The following SERINC3 variants were observed in gnomAD, a reference collection of about 807,000 sequenced individuals.
SERINC3 encodes the protein tumor differentially expressed protein 1.
In SERINC3, 22 loss-of-function variants were observed where a neutral mutation model predicts 52.1. That is an observed-to-expected ratio of 0.42 (90% CI 0.30 to 0.60). The LOEUF (loss-of-function observed/expected upper bound fraction) is 0.60. Ranked by LOEUF, SERINC3 falls within the 20% of genes least tolerant of loss-of-function variation. SERINC3 has a pLI of 0.16. For synonymous variants in SERINC3, 226 were observed against 212.7 expected (o/e 1.06, Z -0.54); for missense variants, 564 against 584.6 (o/e 0.96, Z 0.36).
intron 6 of SERINC3, among the ~76,000 whole-genome samples, 200 bp from the exon 7 acceptor site, chr20:44,505,091 T>C (rs2064303085): frequency 6.6e-6 from 1 of 152,202 alleles, no homozygotes; most frequent in Admixed American, 6.5e-5. Flanking sequence ...GTACTACTGG[T>C]TCTCAACGCA....
intron 6 of SERINC3, among the ~76,000 whole-genome samples, chr20:44,506,329 C>G (rs2064312758): frequency 6.7e-6 from 1 of 149,476 alleles, no homozygotes; most frequent in Admixed American, 6.7e-5. Context: ...CGTGGTGGCT[C>G]ACGCCTGTAA....
chr20:44,507,112 AT>A, intron 5 of SERINC3, 116 bp from the exon 6 acceptor site: 1 of 717,850 alleles, frequency 1.4e-6, no homozygotes, highest in Non-Finnish European at 2.0e-6. Context: ...TTCTGGGGTA[AT>A]TTACAGTAAA....
At chr20:44,509,278 G>T (rs79169578) in intron 5 of SERINC3, among the ~76,000 whole-genome samples, 6,126 of 152,192 alleles carry the variant, frequency 0.04, 136 homozygotes, top group African/African-American at 0.059. Context: ...GCCTAAAGTA[G>T]GTGGGCAGCT....
chr20:44,519,952 C>T lies in SERINC3; in HGVS notation c.39+1961G>A, dbSNP rs570454928. 2.0e-5 allele frequency among the ~76,000 whole-genome samples: 3 copies of T among 152,236 alleles called. 1 individual carries two copies. The highest frequency in any genetic ancestry group is 7.2e-5 in the African/African-American group (3 of 41,524). ...TGCTAATGAGATGACTGGTGACTGGCAGCCCCTAGGTGGCTTCATGATGGG... is the reference window on the plus strand; with the variant it reads ...TGCTAATGAGATGACTGGTGACTGGTAGCCCCTAGGTGGCTTCATGATGGG... On this transcript the variant is annotated intron_variant, in intron 1 of 9. Coordinates refer to ENST00000342374, the MANE Select transcript of SERINC3 (RefSeq NM_006811.4).
intron 1 of SERINC3, 125 bp downstream of exon 1, chr20:44,521,788 C>T: frequency 1.0e-6 from 1 of 962,546 alleles, no homozygotes. Flanking sequence ...GCCCCGGAGA[C>T]CCTCTGTAGC....
intron 4 of SERINC3, 71 bp from the exon 5 acceptor site, chr20:44,510,099 C>A: frequency 7.0e-7 from 1 of 1,438,588 alleles, no homozygotes; most frequent in Non-Finnish European, 9.7e-7. Flanking sequence ...ACATTCTGAA[C>A]GGATTTCAAT....
At chr20:44,501,649 G>A (rs2064280802) in intron 8 of SERINC3, among the ~76,000 whole-genome samples, 1 of 152,092 alleles carries the variant, frequency 6.6e-6, no homozygotes, top group African/African-American at 2.4e-5. Flanking sequence ...TCTCTGACTT[G>A]CTGTCATGTC....
chr20:44,501,040 T>C, intron 9 of SERINC3, 33 bp downstream of exon 9: 5 of 1,506,932 alleles, frequency 3.3e-6, no homozygotes, highest in South Asian at 2.3e-5. Context: ...AAGGGTTTTA[T>C]GGTCTTCTGT....
At chr20:44,515,998 CCTT>C in intron 1 of SERINC3, among the ~76,000 whole-genome samples, 1 of 152,226 alleles carries the variant, frequency 6.6e-6, no homozygotes, top group African/African-American at 2.4e-5. Context: ...AACTTTACCT[CCTT>C]TTTTTTAAAG....
At chr20:44,506,568 G>A (rs1166601224) in intron 6 of SERINC3, among the ~76,000 whole-genome samples, 2 of 105,878 alleles carry the variant, frequency 1.9e-5, no homozygotes, top group South Asian at 3.4e-4. Context: ...CTGGTTGACA[G>A]AGCGAGACTC....
chr20:44,507,750 C>T (rs1463421897), intron 5 of SERINC3, among the ~76,000 whole-genome samples: 2 of 152,090 alleles, frequency 1.3e-5, no homozygotes, highest in African/African-American at 2.4e-5. Context: ...AAGGCTGTAG[C>T]CCCAGCTACT....
chr20:44,502,316 G>C lies in SERINC3; in HGVS notation c.1056-1016C>G, dbSNP rs532391652. Among the ~76,000 whole-genome samples, 3 of 152,336 alleles carry C rather than the reference G, an allele frequency of 2.0e-5. 1 individual carries two copies. Among genetic ancestry groups the C allele is most frequent in the African/African-American group, 7.2e-5 (3 of 41,590 alleles). On this transcript the variant is annotated intron_variant, in intron 8 of 9. Coordinates refer to ENST00000342374, the MANE Select transcript of SERINC3 (RefSeq NM_006811.4). Reference sequence around the variant, plus strand: ...TATATAGAAATCAGGACTGGGTGTGGTGGCTCACGCCTATAATCCCAACTA... The same window carrying C: ...TATATAGAAATCAGGACTGGGTGTGCTGGCTCACGCCTATAATCCCAACTA...
intron 3 of SERINC3, 109 bp from the exon 4 acceptor site, chr20:44,511,477 ATGAT>A (rs770639250): frequency 1.5e-5 from 10 of 688,454 alleles, no homozygotes; most frequent in Non-Finnish European, 2.5e-5. Context: ...TTTTCCCAAC[ATGAT>A]TGTCTGGACT....
intron 4 of SERINC3, 139 bp downstream of exon 4, chr20:44,511,150 G>C (rs1299642705): frequency 1.7e-6 from 1 of 594,938 alleles, no homozygotes; most frequent in East Asian, 2.9e-5. Context: ...CTGACCTCAG[G>C]TGATCCGCCC....
intron 4 of SERINC3, among the ~76,000 whole-genome samples, chr20:44,510,950 G>A (rs2064343562): frequency 2.0e-5 from 3 of 151,726 alleles, no homozygotes; most frequent in Non-Finnish European, 4.4e-5. Context: ...GTCTTGATCT[G>A]TCGCCCAGGC....
At chr20:44,500,798 CTATACACAGAAAAT>C (rs2064274776) in intron 9 of SERINC3, among the ~76,000 whole-genome samples, 1 of 152,150 alleles carries the variant, frequency 6.6e-6, no homozygotes, top group South Asian at 2.1e-4. Flanking sequence ...ATGGCCATCT[CTATACACAGAAAAT>C]TAGTGAACAA....
intron 9 of SERINC3, among the ~76,000 whole-genome samples, chr20:44,500,673 T>C (rs1420353493): frequency 6.6e-6 from 1 of 152,206 alleles, no homozygotes; most frequent in African/African-American, 2.4e-5. Flanking sequence ...TGAAAGACCC[T>C]ATCAGGGCAA....
At chr20:44,509,786 T>A (rs777529529) in intron 5 of SERINC3, 105 bp downstream of exon 5, 4 of 1,251,864 alleles carry the variant, frequency 3.2e-6, no homozygotes, top group Non-Finnish European at 3.4e-6. Flanking sequence ...CACCTTGGAC[T>A]TCTGTCCCTG....
chr20:44,521,446 G>C (rs1456081693), intron 1 of SERINC3, among the ~76,000 whole-genome samples: 1 of 152,190 alleles, frequency 6.6e-6, no homozygotes, highest in African/African-American at 2.4e-5. Flanking sequence ...CCTTGCACCT[G>C]AACTGCAGAC....
Sources: gnomAD v4.1 joint callset for allele counts (sites outside exome capture counted in the v4.1 genomes callset) on GRCh38, gnomAD v4.1.1 for gene constraint, MANE v1.5 for transcripts, NCBI Gene and HGNC (gene_info 2026-07-23, HGNC 2026-07-21) for gene names.